MIS18A: variants seen among roughly 807,000 people sequenced by gnomAD.
MIS18A encodes the protein protein Mis18-alpha.
In MIS18A, 14 loss-of-function variants were observed where a neutral mutation model predicts 25.0. The observed-to-expected ratio is 0.56, with a 90% CI of 0.37 to 0.88. The LOEUF (loss-of-function observed/expected upper bound fraction) is 0.88, where lower values mean the gene tolerates loss of function less well. Ranked by LOEUF, MIS18A falls within the 40% of genes least tolerant of loss-of-function variation. The pLI, the probability that MIS18A is intolerant of heterozygous loss-of-function variation, is 0.00. For synonymous variants in MIS18A, 134 were observed against 118.6 expected (o/e 1.13, Z -0.84); for missense variants, 292 against 290.8 (o/e 1.00, Z -0.03).
chr21:32,246,908 A>C, the MIS18A span, among the ~76,000 whole-genome samples: 1 of 152,116 alleles, frequency 6.6e-6, no homozygotes, highest in Non-Finnish European at 1.5e-5. Context: ...TGAAGGGCGG[A>C]ACTTTATTTT....
At chr21:32,273,334 G>A (rs1206324734) in intron 2 of MIS18A, among the ~76,000 whole-genome samples, 2 of 151,974 alleles carry the variant, frequency 1.3e-5, no homozygotes, top group South Asian at 2.1e-4. Flanking sequence ...CTCTGCCCTC[G>A]ATGGAGGTAG....
chr21:32,253,898 G>A, the MIS18A span, among the ~76,000 whole-genome samples: 1 of 151,874 alleles, frequency 6.6e-6, no homozygotes, highest in Non-Finnish European at 1.5e-5. Context: ...ATTTAATAGA[G>A]TTTTTTTTAA....
the MIS18A span, among the ~76,000 whole-genome samples, chr21:32,241,672 C>T: frequency 6.6e-6 from 1 of 152,206 alleles, no homozygotes; most frequent in African/African-American, 2.4e-5. Context: ...GGGTTTCTGA[C>T]ATTCTTTCCT....
the MIS18A span, among the ~76,000 whole-genome samples, chr21:32,224,056 G>C: frequency 7.9e-5 from 12 of 152,232 alleles, no homozygotes; most frequent in Admixed American, 4.6e-4. Flanking sequence ...ATGCAGAAAA[G>C]CCCTTCAATA....
At chr21:32,157,242 GT>G in the MIS18A span, among the ~76,000 whole-genome samples, 1 of 15,354 alleles carries the variant, frequency 6.5e-5, no homozygotes, top group African/African-American at 4.0e-4. Flanking sequence ...TTTTTTTTTG[GT>G]AGTTTTAGTA....
chr21:32,211,101 C>G, the MIS18A span, among the ~76,000 whole-genome samples: 2 of 152,078 alleles, frequency 1.3e-5, no homozygotes, highest in East Asian at 1.9e-4. Context: ...AGGGCAGTGG[C>G]GCGACATGAG....
the MIS18A span, among the ~76,000 whole-genome samples, chr21:32,215,827 A>C: frequency 6.6e-6 from 1 of 152,176 alleles, no homozygotes; most frequent in Non-Finnish European, 1.5e-5. Flanking sequence ...AAAAACTGAG[A>C]GGCACATTTT....
chr21:32,231,709 C>T, the MIS18A span, among the ~76,000 whole-genome samples: 3 of 152,100 alleles, frequency 2.0e-5, no homozygotes, highest in Admixed American at 6.5e-5. Context: ...GTCAGGAGAG[C>T]GAGACCATCC....
At chr21:32,219,613 G>A in the MIS18A span, among the ~76,000 whole-genome samples, 2 of 152,154 alleles carry the variant, frequency 1.3e-5, no homozygotes, top group African/African-American at 4.8e-5. Context: ...TGCCTGGAAT[G>A]CCAGCAAGAC....
chr21:32,235,996 G>A, the MIS18A span, among the ~76,000 whole-genome samples: 3 of 152,220 alleles, frequency 2.0e-5, no homozygotes, highest in East Asian at 3.9e-4. Context: ...GAACTCTCAC[G>A]CAGTTGGGCA....
In MIS18A at chr21:32,268,812, A is replaced by C; in HGVS notation, c.*225T>G. The C allele has an allele frequency of 2.7e-6, 1 of 364,616 alleles. No homozygotes were observed. Among genetic ancestry groups the C allele is most frequent in the Non-Finnish European group, 5.0e-6 (1 of 198,622 alleles). The allele number at this position is 364,616 out of a possible 1,614,324, so 22.6% of individuals were successfully genotyped here. A position where few individuals can be genotyped will look rare whatever the true frequency, so the allele number is the denominator to read the frequency against. The stretch of plus-strand genomic sequence containing the variant: ...AATTTTGGGTTTTTTTTTTGAGAGA[A>C]GGTCTCACTCTGTTGCCCAGACTAG... On this transcript the variant is annotated 3_prime_UTR_variant, in exon 5 of 5. Transcript: ENST00000290130.
chr21:32,230,581 C>T, the MIS18A span, among the ~76,000 whole-genome samples: 2 of 152,086 alleles, frequency 1.3e-5, no homozygotes, highest in Non-Finnish European at 1.5e-5. Flanking sequence ...TTCCTACCTG[C>T]CCGTATATTT....
the MIS18A span, among the ~76,000 whole-genome samples, chr21:32,255,570 C>G: frequency 6.7e-6 from 1 of 149,530 alleles, no homozygotes; most frequent in Admixed American, 6.6e-5. Flanking sequence ...GTTATTTCAG[C>G]AGGAAGACCC....
the MIS18A span, among the ~76,000 whole-genome samples, chr21:32,259,588 T>C: frequency 6.6e-6 from 1 of 152,238 alleles, no homozygotes; most frequent in Non-Finnish European, 1.5e-5. Flanking sequence ...CACAGGTTTC[T>C]TTCTTGATCA....
chr21:32,227,965 G>T, the MIS18A span, among the ~76,000 whole-genome samples: 21 of 152,312 alleles, frequency 1.4e-4, no homozygotes, highest in African/African-American at 4.6e-4. Context: ...AGTAGACGTG[G>T]AAAGCATTTG....
chr21:32,214,806 T>A, the MIS18A span, among the ~76,000 whole-genome samples: 1 of 152,170 alleles, frequency 6.6e-6, no homozygotes, highest in Non-Finnish European at 1.5e-5. Context: ...TGCCACTCAC[T>A]CACTGTGCCA....
chr21:32,214,175 C>T, the MIS18A span, among the ~76,000 whole-genome samples: 1 of 152,188 alleles, frequency 6.6e-6, no homozygotes, highest in African/African-American at 2.4e-5. Context: ...CCACACCCCA[C>T]CTCTCTTCTC....
downstream of MIS18A, among the ~76,000 whole-genome samples, chr21:32,263,370 C>T (rs111431877): frequency 3.9e-5 from 6 of 152,184 alleles, no homozygotes; most frequent in East Asian, 3.9e-4. Context: ...CTGAGGCGGG[C>T]GGGTCACTTG....
the MIS18A span, among the ~76,000 whole-genome samples, chr21:32,254,137 A>T: frequency 3.5e-4 from 53 of 152,206 alleles, no homozygotes; most frequent in Non-Finnish European, 5.6e-4. Context: ...AGGCTGAGGC[A>T]GGAGACTCAC....
Sources: allele counts gnomAD v4.1 joint callset (sites outside exome capture counted in the v4.1 genomes callset), GRCh38; gene constraint gnomAD v4.1.1; transcripts MANE v1.5; gene names NCBI Gene and HGNC (gene_info 2026-07-23, HGNC 2026-07-21).